The following GSTCD variants were observed in gnomAD, a reference collection of about 807,000 sequenced individuals.
GSTCD encodes glutathione S-transferase C-terminal domain containing.
In GSTCD, 44 loss-of-function variants were observed where a neutral mutation model predicts 68.3. The observed-to-expected ratio is 0.64, with a 90% confidence interval of 0.51 to 0.83. GSTCD has a LOEUF of 0.83. Ranked by LOEUF, GSTCD falls within the 40% of genes least tolerant of loss-of-function variation. GSTCD has a pLI of 0.00. For missense variants in GSTCD, 739 were observed against 735.9 expected, an observed-to-expected ratio of 1.00 and a Z score of -0.05; for synonymous variants, 273 against 255.2, an observed-to-expected ratio of 1.07 and a Z score of -0.67.
At chr4:105,749,904 C>T (rs1484587791) in intron 5 of GSTCD, among the ~76,000 whole-genome samples, 1 of 151,994 alleles carries the variant, frequency 6.6e-6, no homozygotes, top group Non-Finnish European at 1.5e-5. Flanking sequence ...AAAATATTTG[C>T]AAACCACAAA....
chr4:105,724,983 A>T (rs1372654990), intron 3 of GSTCD, among the ~76,000 whole-genome samples: 1 of 152,034 alleles, frequency 6.6e-6, no homozygotes, highest in Non-Finnish European at 1.5e-5. Flanking sequence ...TGAATTATAG[A>T]TGAAAGGGTT....
intron 5 of GSTCD, among the ~76,000 whole-genome samples, chr4:105,772,769 T>C (rs1031927217): frequency 1.3e-5 from 2 of 152,222 alleles, no homozygotes; most frequent in African/African-American, 2.4e-5. Context: ...CAGTATTTTA[T>C]TGAGGATTTT....
chr4:105,821,191 A>C (rs1723270460), intron 5 of GSTCD: 1 of 151,926 alleles, frequency 6.6e-6, no homozygotes, highest in Admixed American at 6.6e-5. Flanking sequence ...ACTGCAAATT[A>C]AAACTGCATT....
chr4:105,819,803 C>T (rs554803454), intron 5 of GSTCD, among the ~76,000 whole-genome samples: 1 of 151,384 alleles, frequency 6.6e-6, no homozygotes, highest in African/African-American at 2.4e-5. Flanking sequence ...AAAAAATTTG[C>T]TTTTGCTCTT....
At chr4:105,761,652 A>G (rs538491430) in intron 5 of GSTCD, 1 of 152,238 alleles carries the variant, frequency 6.6e-6, no homozygotes, top group East Asian at 1.9e-4. Flanking sequence ...TTTTCATAAT[A>G]TAATAAAAAC....
chr4:105,825,854 A>T (rs1295078609), intron 8 of GSTCD, 54 bp downstream of exon 8: 1 of 1,128,376 alleles, frequency 8.9e-7, no homozygotes, highest in African/African-American at 1.5e-5. Flanking sequence ...GAAAAATTAC[A>T]TGCCTTAGAG....
At chr4:105,750,250 G>A (rs1297620595) in intron 5 of GSTCD, among the ~76,000 whole-genome samples, 1 of 152,044 alleles carries the variant, frequency 6.6e-6, no homozygotes, top group Non-Finnish European at 1.5e-5. Flanking sequence ...GATGACCTGA[G>A]GTCAGGAGTT....
chr4:105,717,443 TAGTC>T (rs1307212850), intron 1 of GSTCD, 146 bp from the exon 2 acceptor site: 6 of 518,970 alleles, frequency 1.2e-5, no homozygotes, highest in African/African-American at 4.0e-5. Context: ...GGAAGTCATT[TAGTC>T]AGTCTTCAGA....
intron 5 of GSTCD, among the ~76,000 whole-genome samples, chr4:105,767,701 C>T (rs1734674116): frequency 6.6e-6 from 1 of 152,184 alleles, no homozygotes; most frequent in African/African-American, 2.4e-5. Context: ...AAGCCTGTGT[C>T]TCTCCTTCAG....
chr4:105,741,373 C>T (rs1392172859), intron 5 of GSTCD, among the ~76,000 whole-genome samples: 1 of 152,072 alleles, frequency 6.6e-6, no homozygotes, highest in Non-Finnish European at 1.5e-5. Flanking sequence ...TACATATTTT[C>T]TGACACTTCA....
rs1724589371 is a variant in GSTCD at position 105,847,324 on chromosome 4, A to G, written c.*1747A>G. 6.6e-6 allele frequency: 1 copy of G among 152,160 alleles called. No individual in the cohort carries two copies. Among genetic ancestry groups the G allele is most frequent in the African/African-American group, 2.4e-5 (1 of 41,452 alleles). The allele number at this position is 152,160 out of a possible 1,614,324, so 9.4% of individuals were successfully genotyped here. A position where few individuals can be genotyped will look rare whatever the true frequency, so the allele number is the denominator to read the frequency against. ...TGGGTGGGGGTGGGAGACATATTGG[A>G]ATCGTGTTTTCTGGGATAAAATTTT... On this transcript the variant is annotated 3_prime_UTR_variant, in exon 12 of 12. Transcript: ENST00000515279.
intron 5 of GSTCD, among the ~76,000 whole-genome samples, chr4:105,810,768 T>TATTCCTTGA (rs1722717950): frequency 6.6e-6 from 1 of 152,154 alleles, no homozygotes; most frequent in Admixed American, 6.6e-5. Flanking sequence ...GAATAAAAAT[T>TATTCCTTGA]ATTTTGGTGC....
In GSTCD at chr4:105,797,760, C is replaced by CTTTTTT. The variant is rs70941218; in HGVS notation, c.1241-25167_1241-25162dup. Among the ~76,000 whole-genome samples, 13 of 84,950 alleles carry CTTTTTT rather than the reference C, an allele frequency of 1.5e-4. 1 individual carries two copies. The highest frequency in any genetic ancestry group is 4.3e-4 in the African/African-American group (9 of 21,058). 55.7% of individuals were successfully genotyped at this position (84,950 alleles called of 152,430 possible). ...TGATAGCATTTTACACACAATAGAA[C>CTTTTTT]TTTTTTTTTTTTTTTTTTTTTTTTT... On this transcript the variant is annotated intron_variant, in intron 5 of 11. Coordinates refer to ENST00000515279, the MANE Select transcript of GSTCD (RefSeq NM_001370181.1).
In GSTCD at chr4:105,758,190, A is replaced by G. The variant is rs565690602; in HGVS notation, c.1240+28691A>G. ...TTTGCTGAACTAACTGCAGTTGAAT[A>G]TAAAGTTGCCCTCAACTTATCATTA... is the stretch of plus-strand genomic sequence containing the variant. On this transcript the variant is annotated intron_variant, in intron 5 of 11. Coordinates refer to ENST00000515279, the MANE Select transcript of GSTCD (RefSeq NM_001370181.1). 5.3e-5 allele frequency among the ~76,000 whole-genome samples: 8 copies of G among 152,378 alleles called. No individual in the cohort carries two copies. In the South Asian group the frequency reaches 1.4e-3, roughly 28 times the overall value.
chr4:105,775,912 C>T (rs1368328305), intron 5 of GSTCD, among the ~76,000 whole-genome samples: 1 of 152,194 alleles, frequency 6.6e-6, no homozygotes. Flanking sequence ...AGCCAACAGG[C>T]AGGAACATTG....
At chr4:105,793,400 A>G (rs981149337) in intron 5 of GSTCD, among the ~76,000 whole-genome samples, 9 of 149,758 alleles carry the variant, frequency 6.0e-5, no homozygotes, top group African/African-American at 2.3e-4. Context: ...GTGTGATATC[A>G]TGATTATGTT....
chr4:105,730,671 A>C (rs1464329172), intron 5 of GSTCD, among the ~76,000 whole-genome samples: 1 of 152,056 alleles, frequency 6.6e-6, no homozygotes, highest in Non-Finnish European at 1.5e-5. Context: ...GATGGCAAAA[A>C]ATTTCTCCCA....
At chr4:105,715,564 T>C (rs911687163) in intron 1 of GSTCD, among the ~76,000 whole-genome samples, 2 of 151,970 alleles carry the variant, frequency 1.3e-5, no homozygotes, top group Admixed American at 1.3e-4. Context: ...ATTAAGAAAC[T>C]TAGATAATAC....
At chr4:105,768,008 T>C (rs1282513974) in intron 5 of GSTCD, among the ~76,000 whole-genome samples, 3 of 151,964 alleles carry the variant, frequency 2.0e-5, no homozygotes, top group Non-Finnish European at 4.4e-5. Context: ...CAAATAAAAA[T>C]ATTTTGAGAA....
Sources: allele counts gnomAD v4.1 joint callset (sites outside exome capture counted in the v4.1 genomes callset), GRCh38; gene constraint gnomAD v4.1.1; transcripts MANE v1.5; gene names NCBI Gene and HGNC (gene_info 2026-07-23, HGNC 2026-07-21).